Variants in SGCZ observed in about 807,000 individuals in gnomAD.
SGCZ encodes sarcoglycan zeta.
Under a neutral mutation model 41.3 loss-of-function variants are expected in SGCZ, and 40 were observed. The ratio of observed to expected loss-of-function variants is 0.97; its 90% confidence interval spans 0.75 to 1.26. SGCZ has a LOEUF of 1.26. Among genes scored for constraint, SGCZ ranks in the 50% most tolerant of loss-of-function variants. The pLI is 0.00. For missense variants in SGCZ, 552 were observed against 369.8 expected (o/e 1.49, Z -4.04); for synonymous variants, 206 against 137.5 (o/e 1.50, Z -3.49).
intron 1 of SGCZ, among the ~76,000 whole-genome samples, chr8:14,561,935 T>A (rs1328177412): frequency 6.6e-6 from 1 of 152,084 alleles, no homozygotes; most frequent in Non-Finnish European, 1.5e-5. Flanking sequence ...GAAAATCTGG[T>A]TTTCAGACAG....
At chr8:14,334,691 T>C (rs1218188374) in intron 2 of SGCZ, among the ~76,000 whole-genome samples, 2 of 152,092 alleles carry the variant, frequency 1.3e-5, no homozygotes, top group Admixed American at 1.3e-4. Context: ...AGAGTTCTGA[T>C]ATGACAAAAC....
chr8:14,716,329 T>C (rs1459966213), intron 1 of SGCZ, among the ~76,000 whole-genome samples: 4 of 152,060 alleles, frequency 2.6e-5, no homozygotes, highest in Non-Finnish European at 4.4e-5. Context: ...AGCAAAATCA[T>C]AAACTTCAAA....
chr8:14,090,274 G>C lies in SGCZ; in HGVS notation c.*169C>G. On this transcript the variant is annotated 3_prime_UTR_variant, in exon 8 of 8. Coordinates refer to ENST00000382080, the MANE Select transcript of SGCZ (RefSeq NM_139167.4). ...TCAATCACACCCTCTGTGTTGAGCA[G>C]TACAGTAAATCACAAGAGAAGGTGG... is the stretch of plus-strand genomic sequence containing the variant. 5 of 622,522 alleles carry C rather than the reference G, an allele frequency of 8.0e-6. No individual in the cohort carries two copies. Among genetic ancestry groups the C allele is most frequent in the Non-Finnish European group, 1.3e-5 (5 of 372,940 alleles). The allele number at this position is 622,522 out of a possible 1,614,324, so 38.6% of individuals were successfully genotyped here. A position where few individuals can be genotyped will look rare whatever the true frequency, so the allele number is the denominator to read the frequency against.
intron 2 of SGCZ, among the ~76,000 whole-genome samples, chr8:14,335,854 T>C (rs944724149): frequency 3.3e-5 from 5 of 152,166 alleles, no homozygotes; most frequent in South Asian, 2.1e-4. Flanking sequence ...TATAAGCTTA[T>C]TGCAGGCAGG....
intron 5 of SGCZ, among the ~76,000 whole-genome samples, chr8:14,108,537 C>A (rs973078281): frequency 6.6e-6 from 1 of 152,204 alleles, no homozygotes; most frequent in East Asian, 1.9e-4. Flanking sequence ...GCAGAAACCC[C>A]TGATAATACC....
intron 2 of SGCZ, among the ~76,000 whole-genome samples, chr8:14,380,028 G>A (rs778351308): frequency 2.0e-5 from 3 of 152,072 alleles, no homozygotes; most frequent in Non-Finnish European, 2.9e-5. Context: ...CATGGCACCC[G>A]GCCAAGAATG....
intron 1 of SGCZ, among the ~76,000 whole-genome samples, chr8:15,169,123 C>T (rs1799753620): frequency 6.6e-6 from 1 of 152,220 alleles, no homozygotes; most frequent in African/African-American, 2.4e-5. Flanking sequence ...CTGCTGGGAA[C>T]CCTTAAATAG....
chr8:14,139,146 GA>G (rs747728622), intron 5 of SGCZ, among the ~76,000 whole-genome samples: 40 of 151,896 alleles, frequency 2.6e-4, no homozygotes, highest in African/African-American at 8.7e-4. Context: ...AAACCAATGA[GA>G]AAAAAAAGAC....
At chr8:14,359,175 G>C (rs1295729668) in intron 2 of SGCZ, among the ~76,000 whole-genome samples, 2 of 152,026 alleles carry the variant, frequency 1.3e-5, no homozygotes. Flanking sequence ...AGTACGTGAA[G>C]ATAATTTATA....
chr8:14,284,288 G>A (rs965523297), intron 3 of SGCZ, among the ~76,000 whole-genome samples: 2 of 152,200 alleles, frequency 1.3e-5, no homozygotes, highest in Admixed American at 6.5e-5. Flanking sequence ...AGATACTCAG[G>A]AGGCTGAGGT....
chr8:14,335,634 T>G (rs1198364433), intron 2 of SGCZ, among the ~76,000 whole-genome samples: 1 of 152,146 alleles, frequency 6.6e-6, no homozygotes. Flanking sequence ...CATATATTAT[T>G]GTCTCTCTCC....
chr8:14,261,582 G>C (rs1799669205), intron 3 of SGCZ, among the ~76,000 whole-genome samples: 1 of 152,082 alleles, frequency 6.6e-6, no homozygotes, highest in South Asian at 2.1e-4. Flanking sequence ...CTGGACCAAT[G>C]CCAAGTATAA....
chr8:15,118,866 T>A (rs758915228), intron 1 of SGCZ, among the ~76,000 whole-genome samples: 1 of 152,190 alleles, frequency 6.6e-6, no homozygotes, highest in Non-Finnish European at 1.5e-5. Context: ...TACCTGCTGC[T>A]ATGGTATTGG....
At chr8:14,490,904 A>G (rs532582340) in intron 2 of SGCZ, among the ~76,000 whole-genome samples, 38 of 152,320 alleles carry the variant, frequency 2.5e-4, no homozygotes, top group Middle Eastern at 3.4e-3. Context: ...CAGGAGCTAA[A>G]ATCTTAAGTG....
chr8:14,446,941 A>G (rs867376814), intron 2 of SGCZ, among the ~76,000 whole-genome samples: 2 of 152,352 alleles, frequency 1.3e-5, no homozygotes, highest in East Asian at 1.9e-4. Context: ...ACTAGTTTCA[A>G]TATATTTTAC....
intron 1 of SGCZ, among the ~76,000 whole-genome samples, chr8:15,135,368 A>G (rs894723744): frequency 5.3e-5 from 8 of 152,182 alleles, no homozygotes; most frequent in Non-Finnish European, 7.4e-5. Context: ...CTGGCTTTTC[A>G]TTTGAAAAGA....
At chr8:14,551,871 C>T (rs1044866565) in intron 2 of SGCZ, among the ~76,000 whole-genome samples, 1 of 150,570 alleles carries the variant, frequency 6.6e-6, no homozygotes, top group African/African-American at 2.4e-5. Flanking sequence ...TGCAGAATAT[C>T]GCTCATAATG....
intron 1 of SGCZ, among the ~76,000 whole-genome samples, chr8:15,001,728 C>CAAAAAAAAA (rs1223307583): frequency 4.2e-4 from 34 of 80,888 alleles, no homozygotes; most frequent in East Asian, 1.0e-3. Context: ...GACTCCGTCT[C>CAAAAAAAAA]AAAAAAAAAA....
intron 1 of SGCZ, among the ~76,000 whole-genome samples, chr8:14,634,624 G>A (rs1806768330): frequency 6.6e-6 from 1 of 151,856 alleles, no homozygotes; most frequent in East Asian, 1.9e-4. Flanking sequence ...ATGCCTTGAA[G>A]GAGTAAAACC....
Sources: allele counts gnomAD v4.1 joint callset (sites outside exome capture counted in the v4.1 genomes callset), GRCh38; gene constraint gnomAD v4.1.1; transcripts MANE v1.5; gene names NCBI Gene and HGNC (gene_info 2026-07-23, HGNC 2026-07-21).